The following TUT4 variants were observed in gnomAD, a reference collection of about 807,000 sequenced individuals.
TUT4 encodes the protein terminal uridylyl transferase 4.
TUT4 carries 36 observed loss-of-function variants against 192.2 expected under a neutral mutation model. That is an observed-to-expected ratio of 0.19 (90% CI 0.14 to 0.25). TUT4 has a LOEUF of 0.25. Among genes scored for constraint, TUT4 ranks in the 10% least tolerant of loss-of-function variants. The pLI is 1.00. For missense variants in TUT4, 1,493 were observed against 1,957.2 expected (o/e 0.76, Z 4.47); for synonymous variants, 618 against 666.0 (o/e 0.93, Z 1.11).
In TUT4 at chr1:52,490,846, A is replaced by G. The variant is rs146254144; in HGVS notation, c.1319-45T>C. 3.4e-3 allele frequency: 4,783 copies of G among 1,427,020 alleles called. 9 individuals carry two copies. Among genetic ancestry groups the G allele is most frequent in the Non-Finnish European group, 4.3e-3 (4,465 of 1,028,996 alleles). 88.4% of individuals were successfully genotyped at this position (1,427,020 alleles called of 1,614,324 possible). A position where few individuals can be genotyped will look rare whatever the true frequency, so the allele number is the denominator to read the frequency against. ...GTAAGCTAATGTCAACATCTCTAAA[A>G]TACGTACTCTACAGTAAACATTAAG... On this transcript the variant is annotated intron_variant, in intron 7 of 29. Coordinates refer to ENST00000257177, the MANE Select transcript of TUT4 (RefSeq NM_001009881.3).
chr1:52,448,310 G>A (rs112488846), intron 20 of TUT4, among the ~76,000 whole-genome samples: 3,986 of 152,150 alleles, frequency 0.026, 158 homozygotes, highest in African/African-American at 0.087. Flanking sequence ...GACTGAGGCC[G>A]GGCGCAGTGG....
chr1:52,547,617 T>C (rs1238238223), intron 1 of TUT4, among the ~76,000 whole-genome samples: 2 of 152,138 alleles, frequency 1.3e-5, no homozygotes, highest in Non-Finnish European at 2.9e-5. Context: ...AAAGTAGAAA[T>C]AACCCAAATG....
chr1:52,487,746 A>T (rs1205724868), intron 9 of TUT4, among the ~76,000 whole-genome samples: 1 of 152,168 alleles, frequency 6.6e-6, no homozygotes, highest in Admixed American at 6.6e-5. Context: ...CTACTTAAAC[A>T]AACAAACAAA....
chr1:52,447,603 A>G (rs1657951413), intron 20 of TUT4, among the ~76,000 whole-genome samples: 1 of 152,214 alleles, frequency 6.6e-6, no homozygotes, highest in Non-Finnish European at 1.5e-5. Flanking sequence ...TATTTTTACA[A>G]GAAAAGTATC....
Position 52,423,651 on chromosome 1 carries a change from TAATAA to T in TUT4, c.*279_*283del, listed in dbSNP as rs1377789231. 4.0e-5 allele frequency: 20 copies of T among 497,818 alleles called. No homozygotes were observed. Among genetic ancestry groups the T allele is most frequent in the Non-Finnish European group, 6.5e-5 (19 of 292,050 alleles). The allele number at this position is 497,818 out of a possible 1,614,324, so 30.8% of individuals were successfully genotyped here. ...ACATAAAATTCCCTTAAAAATAGGG[TAATAA>T]AATAGATGAAATTTGTATCACTCAA... On this transcript the variant is annotated 3_prime_UTR_variant, in exon 30 of 30. Coordinates refer to ENST00000257177, the MANE Select transcript of TUT4 (RefSeq NM_001009881.3).
At chr1:52,491,560 C>T (rs1053309545) in intron 7 of TUT4, among the ~76,000 whole-genome samples, 16 of 152,070 alleles carry the variant, frequency 1.1e-4, no homozygotes, top group Admixed American at 7.9e-4. Flanking sequence ...TGGTGGCACG[C>T]GCCTGTAATC....
At chr1:52,462,710 A>G (rs1045986091) in intron 16 of TUT4, 32 of 983,494 alleles carry the variant, frequency 3.3e-5, no homozygotes, top group Non-Finnish European at 1.2e-6. Context: ...GTTGATATGG[A>G]AAAGAAAGAT....
At chr1:52,509,314 G>C (rs1493364) in intron 4 of TUT4, among the ~76,000 whole-genome samples, 53,560 of 151,990 alleles carry the variant, frequency 0.35, 13,118 homozygotes, top group African/African-American at 0.71. Context: ...CTGCCTAGAA[G>C]TAGCACACAA....
chr1:52,508,411 AT>A (rs937711363), intron 4 of TUT4, among the ~76,000 whole-genome samples: 4 of 151,916 alleles, frequency 2.6e-5, no homozygotes, highest in Non-Finnish European at 5.9e-5. Context: ...TTTCTGGAAA[AT>A]TCCTAATTAT....
rs867378699 is a variant in TUT4, at chr1:52,496,149, G to T, written c.1178-634C>A. On this transcript the variant is annotated intron_variant, in intron 5 of 29. Transcript: ENST00000257177. ...ATTTGAAAATAATATGATTGGGACA[G>T]ATCAAGAAGATTTAGTTTCTTAGAA... Among the ~76,000 whole-genome samples the T allele has an allele frequency of 2.6e-5, 4 of 152,118 alleles. No individual in the cohort carries two copies. In the South Asian group the frequency reaches 6.2e-4, roughly 24 times the overall value.
intron 6 of TUT4, among the ~76,000 whole-genome samples, chr1:52,494,419 C>G (rs144614960): frequency 6.0e-4 from 91 of 152,200 alleles, no homozygotes; most frequent in East Asian, 5.6e-3. Flanking sequence ...AGGCCAGGTG[C>G]GGTGGCTCAC....
intron 20 of TUT4, among the ~76,000 whole-genome samples, chr1:52,451,886 G>C (rs1465992728): frequency 6.7e-6 from 1 of 148,842 alleles, no homozygotes; most frequent in African/African-American, 2.5e-5. Context: ...CACACAAGAA[G>C]AAACAGAAAA....
At chr1:52,453,519 C>T (rs989798195) in intron 20 of TUT4, among the ~76,000 whole-genome samples, 4 of 150,658 alleles carry the variant, frequency 2.7e-5, no homozygotes, top group African/African-American at 4.9e-5. Flanking sequence ...ATCCAACACA[C>T]ATTCATGATT....
intron 14 of TUT4, among the ~76,000 whole-genome samples, chr1:52,468,723 A>G (rs573734380): frequency 1.3e-5 from 2 of 152,282 alleles, no homozygotes; most frequent in South Asian, 4.2e-4. Context: ...GCCTAACCAC[A>G]GCCTTCAATG....
chr1:52,460,094 G>A lies in TUT4; in HGVS notation c.3321+1040C>T, dbSNP rs1180567559. On this transcript the variant is annotated intron_variant, in intron 19 of 29. Transcript: ENST00000257177. ...TGTCATGTTAGAGTTACCTTGTTAG[G>A]TGAATCTAGAAAAGTAGGCATATCA... Among the ~76,000 whole-genome samples, 2 of 152,146 alleles carry A rather than the reference G, an allele frequency of 1.3e-5. 1 individual carries two copies. Among genetic ancestry groups the A allele is most frequent in the Admixed American group, 1.3e-4 (2 of 15,282 alleles).
chr1:52,473,225 G>C (rs1218065686), intron 13 of TUT4, among the ~76,000 whole-genome samples: 2 of 152,086 alleles, frequency 1.3e-5, no homozygotes, highest in Non-Finnish European at 2.9e-5. Flanking sequence ...AAATGCAACA[G>C]ATGTATATTT....
chr1:52,482,980 G>A (rs753416801), intron 9 of TUT4, among the ~76,000 whole-genome samples: 7 of 152,168 alleles, frequency 4.6e-5, no homozygotes, highest in East Asian at 1.9e-4. Flanking sequence ...GTTAAGAATC[G>A]TTTTTCCAAA....
intron 9 of TUT4, among the ~76,000 whole-genome samples, chr1:52,485,538 A>G (rs184080510): frequency 9.0e-4 from 137 of 152,266 alleles, no homozygotes; most frequent in African/African-American, 3.1e-3. Flanking sequence ...ATCTTAACAT[A>G]TATGGCTTAA....
chr1:52,525,957 G>A lies in TUT4; in HGVS notation c.324C>T (p.Ala108=), dbSNP rs116577888. The change falls in exon 2 of 30, where the codon GCC becomes GCT. Residue 108 remains alanine, a synonymous_variant. Coordinates refer to ENST00000257177, the MANE Select transcript of TUT4 (RefSeq NM_001009881.3). Reference sequence around the variant, plus strand: ...TTGCCTGTGAAATGGTTGCCTTTTCGGCTTTCACCGGTGAATTAGGAAATT... The same window carrying A: ...TTGCCTGTGAAATGGTTGCCTTTTCAGCTTTCACCGGTGAATTAGGAAATT... ...AKKFPNSPVK[A]EKATISQAKS... 4,061 of 1,613,996 alleles carry A rather than the reference G, an allele frequency of 2.5e-3. 9 individuals carry two copies. Among genetic ancestry groups the A allele is most frequent in the Non-Finnish European group, 3.1e-3 (3,658 of 1,180,004 alleles).
Sources: allele counts gnomAD v4.1 joint callset (sites outside exome capture counted in the v4.1 genomes callset), GRCh38; gene constraint gnomAD v4.1.1; transcripts MANE v1.5; gene names NCBI Gene and HGNC (gene_info 2026-07-23, HGNC 2026-07-21).